GIPC2: variants seen among roughly 807,000 people sequenced by gnomAD.
GIPC2 encodes GIPC PDZ domain containing family member 2.
A neutral mutation model predicts 30.6 loss-of-function variants in GIPC2; 30 were observed. That is an observed-to-expected ratio of 0.98 (90% CI 0.73 to 1.33). The LOEUF is 1.33. Ranked by LOEUF, GIPC2 falls within the 40% of genes most tolerant of loss-of-function variation. The pLI is 0.00. For synonymous variants in GIPC2, 167 were observed against 150.0 expected (o/e 1.11, Z -0.83); for missense variants, 414 against 390.3 (o/e 1.06, Z -0.51).
At chr1:78,135,144 A>T (rs1039159600) in intron 5 of GIPC2, among the ~76,000 whole-genome samples, 4 of 152,164 alleles carry the variant, frequency 2.6e-5, no homozygotes, top group Admixed American at 6.5e-5. Flanking sequence ...GTCTTTGGGC[A>T]GGGAGGACTG....
chr1:78,095,263 A>T (rs1662116362), intron 3 of GIPC2, 131 bp downstream of exon 3: 1 of 603,106 alleles, frequency 1.7e-6, no homozygotes, highest in Non-Finnish European at 3.0e-6. Context: ...TCAGTTAAAA[A>T]CATAGAAAAT....
rs773911424 is a variant in GIPC2, at chr1:78,070,419, A to G, written c.241-10256A>G. 3.3e-4 allele frequency among the ~76,000 whole-genome samples: 50 copies of G among 152,298 alleles called. 1 individual carries two copies. Among genetic ancestry groups the G allele is most frequent in the Non-Finnish European group, 6.6e-4 (45 of 68,016 alleles). ...AACAGCACCTGACGGGGGAAATAGC[A>G]GTGATTTATGATGTCTTTCAAATTG... is the stretch of plus-strand genomic sequence containing the variant. On this transcript the variant is annotated intron_variant, in intron 1 of 5. Transcript: ENST00000370759.
At chr1:78,083,187 C>T in intron 2 of GIPC2, among the ~76,000 whole-genome samples, 1 of 152,000 alleles carries the variant, frequency 6.6e-6, no homozygotes, top group Non-Finnish European at 1.5e-5. Context: ...TCTTTTTAGT[C>T]TTCTTTATAA....
At chr1:78,131,777 GTTTATAC>G (rs1055221776) in intron 5 of GIPC2, among the ~76,000 whole-genome samples, 8 of 152,300 alleles carry the variant, frequency 5.3e-5, no homozygotes, top group African/African-American at 1.9e-4. Flanking sequence ...AAAAAGCGAT[GTTTATAC>G]TTTATGTATT....
chr1:78,135,232 G>A (rs1662978637), intron 5 of GIPC2, among the ~76,000 whole-genome samples: 1 of 152,142 alleles, frequency 6.6e-6, no homozygotes. Flanking sequence ...TGGGGAAGGG[G>A]TGTTCTTTAA....
chr1:78,128,410 A>C (rs1011997155), intron 5 of GIPC2, among the ~76,000 whole-genome samples: 1 of 152,240 alleles, frequency 6.6e-6, no homozygotes, highest in African/African-American at 2.4e-5. Flanking sequence ...TCACAGACAC[A>C]GGGCCTAGGA....
Position 78,137,033 on chromosome 1 carries a change from C to G in GIPC2, c.*1290C>G, listed in dbSNP as rs1416793234. ...TTGCTGGATTATTGCTTAGATAACT[C>G]TTGTTTTCTGGTAAAACTTTAGTTG... is the stretch of plus-strand genomic sequence containing the variant. On this transcript the variant is annotated 3_prime_UTR_variant, in exon 6 of 6. Coordinates refer to ENST00000370759, the MANE Select transcript of GIPC2 (RefSeq NM_017655.6). 1 of 152,154 alleles carries G rather than the reference C, an allele frequency of 6.6e-6. No individual in the cohort carries two copies. The highest frequency in any genetic ancestry group is 1.5e-5 in the Non-Finnish European group (1 of 68,010). 9.4% of individuals were successfully genotyped at this position (152,154 alleles called of 1,614,324 possible).
At chr1:78,135,429 T>C (rs1404289170) in intron 5 of GIPC2, among the ~76,000 whole-genome samples, 163 bp from the exon 6 acceptor site, 1 of 152,204 alleles carries the variant, frequency 6.6e-6, no homozygotes, top group Non-Finnish European at 1.5e-5. Context: ...TGTGTGTGTG[T>C]GAGAGAGGGT....
At chr1:78,055,873 G>A (rs1661286018) in intron 1 of GIPC2, among the ~76,000 whole-genome samples, 1 of 152,082 alleles carries the variant, frequency 6.6e-6, no homozygotes, top group African/African-American at 2.4e-5. Flanking sequence ...TTGATTTAGG[G>A]GAACGTAAAT....
intron 4 of GIPC2, 21 bp downstream of exon 4, chr1:78,119,520 TC>T (rs1361609198): frequency 7.2e-7 from 1 of 1,389,646 alleles, no homozygotes; most frequent in South Asian, 1.2e-5. Context: ...TTCATTTACT[TC>T]CTGTTCTGCT....
intron 1 of GIPC2, among the ~76,000 whole-genome samples, chr1:78,046,661 G>A (rs1661093348): frequency 6.6e-6 from 1 of 152,144 alleles, no homozygotes; most frequent in South Asian, 2.1e-4. Context: ...CAAGGCGTGA[G>A]CACCTTCCCA....
chr1:78,091,532 G>A (rs1475371536), intron 2 of GIPC2: 4 of 748,030 alleles, frequency 5.3e-6, no homozygotes, highest in South Asian at 2.8e-5. Flanking sequence ...ACAGCCGTCC[G>A]AGGAGGACCT....
At chr1:78,115,743 C>T (rs1163947248) in intron 3 of GIPC2, among the ~76,000 whole-genome samples, 2 of 152,306 alleles carry the variant, frequency 1.3e-5, no homozygotes, top group East Asian at 3.9e-4. Context: ...TTTCCCAAAT[C>T]ATCAGCCACC....
intron 1 of GIPC2, among the ~76,000 whole-genome samples, chr1:78,078,373 T>C (rs1206873028): frequency 6.6e-6 from 1 of 152,194 alleles, no homozygotes; most frequent in Non-Finnish European, 1.5e-5. Context: ...TCTGAAGTCA[T>C]GGAGCTTTAG....
At chr1:78,058,766 C>T (rs533089961) in intron 1 of GIPC2, among the ~76,000 whole-genome samples, 13 of 152,188 alleles carry the variant, frequency 8.5e-5, no homozygotes, top group Non-Finnish European at 1.5e-4. Flanking sequence ...ATTTGAGTAT[C>T]GTGCTCTCCC....
intron 1 of GIPC2, among the ~76,000 whole-genome samples, chr1:78,059,996 T>TA: frequency 6.6e-6 from 1 of 152,308 alleles, no homozygotes; most frequent in East Asian, 1.9e-4. Context: ...AAACTTGACA[T>TA]AAGAATTTTT....
chr1:78,116,998 C>T (rs1662580002), intron 3 of GIPC2, among the ~76,000 whole-genome samples: 1 of 145,866 alleles, frequency 6.9e-6, no homozygotes, highest in Non-Finnish European at 1.5e-5. Flanking sequence ...CCTATTTCTC[C>T]ACATCCTCTC....
At chr1:78,130,258 A>G (rs569392163) in intron 5 of GIPC2, among the ~76,000 whole-genome samples, 2 of 151,932 alleles carry the variant, frequency 1.3e-5, no homozygotes, top group South Asian at 4.2e-4. Flanking sequence ...GCCCACCACC[A>G]TGGCCAGCTA....
chr1:78,069,812 G>T (rs1661585003), intron 1 of GIPC2, among the ~76,000 whole-genome samples: 1 of 152,090 alleles, frequency 6.6e-6, no homozygotes, highest in Non-Finnish European at 1.5e-5. Context: ...AGGTGTTTTA[G>T]TTTAGAAGAA....
Sources: allele counts gnomAD v4.1 joint callset (sites outside exome capture counted in the v4.1 genomes callset), GRCh38; gene constraint gnomAD v4.1.1; transcripts MANE v1.5; gene names NCBI Gene and HGNC (gene_info 2026-07-23, HGNC 2026-07-21).